AFF3: variants seen among roughly 807,000 people sequenced by gnomAD.
AFF3 encodes the protein AF4/FMR2 family member 3.
In AFF3, 32 loss-of-function variants were observed where a neutral mutation model predicts 129.7. That is an observed-to-expected ratio of 0.25 (90% CI 0.19 to 0.33). AFF3 has a LOEUF of 0.33. Among genes scored for constraint, AFF3 ranks in the 10% least tolerant of loss-of-function variants. AFF3 has a pLI of 1.00. For missense variants in AFF3, 1,373 were observed against 1,592.0 expected (o/e 0.86, Z 2.34); for synonymous variants, 644 against 635.4 (o/e 1.01, Z -0.20).
chr2:99,711,800 G>C (rs548625370), intron 11 of AFF3, among the ~76,000 whole-genome samples: 10 of 152,304 alleles, frequency 6.6e-5, no homozygotes, highest in Middle Eastern at 6.8e-3. Flanking sequence ...ATTCATTAAA[G>C]ATAACATTGG....
chr2:99,830,005 A>T (rs1688399250), intron 8 of AFF3, among the ~76,000 whole-genome samples: 1 of 152,220 alleles, frequency 6.6e-6, no homozygotes, highest in Middle Eastern at 3.2e-3. Context: ...CACCATTCTC[A>T]GCAAACTAAC....
At chr2:100,131,154 T>C (rs1010358201) in intron 1 of AFF3, among the ~76,000 whole-genome samples, 3 of 152,226 alleles carry the variant, frequency 2.0e-5, no homozygotes, top group Admixed American at 6.5e-5. Context: ...AAGTTTATTA[T>C]TGGTTTAACC....
intron 7 of AFF3, among the ~76,000 whole-genome samples, chr2:99,934,680 C>T (rs747190107): frequency 1.3e-5 from 2 of 152,210 alleles, no homozygotes; most frequent in Non-Finnish European, 2.9e-5. Flanking sequence ...TCAGAAGCCA[C>T]TGGGAAGGGG....
At chr2:99,888,997 T>A (rs1576283608) in intron 7 of AFF3, among the ~76,000 whole-genome samples, 1 of 152,248 alleles carries the variant, frequency 6.6e-6, no homozygotes, top group African/African-American at 2.4e-5. Flanking sequence ...ATAAAAATAA[T>A]GATGTAGCTG....
chr2:99,751,784 A>C (rs1353535635), intron 9 of AFF3, among the ~76,000 whole-genome samples: 1 of 152,186 alleles, frequency 6.6e-6, no homozygotes, highest in Admixed American at 6.5e-5. Context: ...GTCCTAGAAA[A>C]TATCTTAAGC....
At chr2:99,637,033 T>G (rs1329147473) in intron 13 of AFF3, among the ~76,000 whole-genome samples, 1 of 151,668 alleles carries the variant, frequency 6.6e-6, no homozygotes, top group Non-Finnish European at 1.5e-5. Context: ...AGTGGAATGG[T>G]CAGGGTGGGA....
At chr2:99,796,277 A>G (rs1685550301) in intron 8 of AFF3, among the ~76,000 whole-genome samples, 1 of 152,230 alleles carries the variant, frequency 6.6e-6, no homozygotes, top group South Asian at 2.1e-4. Context: ...TGTAGCACCC[A>G]CTGCAACTGA....
chr2:99,577,506 C>T (rs1458812690), intron 18 of AFF3, among the ~76,000 whole-genome samples: 1 of 152,176 alleles, frequency 6.6e-6, no homozygotes, highest in Non-Finnish European at 1.5e-5. Context: ...CTCAGCTGGA[C>T]TGGAAGCCCT....
intron 7 of AFF3, among the ~76,000 whole-genome samples, chr2:99,989,669 C>T (rs1056749006): frequency 6.6e-6 from 1 of 152,098 alleles, no homozygotes; most frequent in Non-Finnish European, 1.5e-5. Flanking sequence ...AAAAAGAAAG[C>T]GTGAATCATG....
intron 7 of AFF3, among the ~76,000 whole-genome samples, chr2:99,873,971 G>A (rs776217200): frequency 1.1e-4 from 17 of 151,810 alleles, no homozygotes; most frequent in Non-Finnish European, 2.2e-4. Context: ...TCAGGAGATC[G>A]AGACCATCCT....
chr2:99,970,866 CA>C (rs1272496115), intron 7 of AFF3, among the ~76,000 whole-genome samples: 6 of 152,228 alleles, frequency 3.9e-5, no homozygotes, highest in Non-Finnish European at 8.8e-5. Context: ...GCTTCCTCAG[CA>C]CTCACTGCTT....
intron 7 of AFF3, among the ~76,000 whole-genome samples, chr2:99,881,628 A>C (rs916618970): frequency 1.7e-4 from 26 of 152,208 alleles, no homozygotes; most frequent in Non-Finnish European, 4.4e-5. Flanking sequence ...ATGCCCTGTA[A>C]ATGATGTTTG....
At chr2:99,816,613 A>G (rs1440175938) in intron 8 of AFF3, among the ~76,000 whole-genome samples, 2 of 152,066 alleles carry the variant, frequency 1.3e-5, no homozygotes, top group African/African-American at 2.4e-5. Context: ...CTCCCTTTGC[A>G]TGGTTCTCCA....
intron 18 of AFF3, among the ~76,000 whole-genome samples, chr2:99,574,268 CAG>C: frequency 6.6e-6 from 1 of 152,278 alleles, no homozygotes; most frequent in South Asian, 2.1e-4. Context: ...TGCTTAATGT[CAG>C]GGGAGGAGGT....
chr2:99,686,759 C>T (rs569074538), intron 11 of AFF3, among the ~76,000 whole-genome samples: 12 of 152,262 alleles, frequency 7.9e-5, no homozygotes, highest in Non-Finnish European at 1.8e-4. Context: ...TAGACAGCAG[C>T]AGGCATTCCT....
chr2:99,701,233 A>C (rs1231364557), intron 11 of AFF3, among the ~76,000 whole-genome samples: 1 of 152,158 alleles, frequency 6.6e-6, no homozygotes, highest in African/African-American at 2.4e-5. Flanking sequence ...TAGGCTACAA[A>C]TGACAAATGG....
chr2:99,603,111 C>T (rs747253145), intron 13 of AFF3, among the ~76,000 whole-genome samples: 2 of 152,142 alleles, frequency 1.3e-5, no homozygotes, highest in African/African-American at 2.4e-5. Flanking sequence ...TGAGCTGCAG[C>T]GATTTCTTTT....
At chr2:99,732,064 AAG>A (rs1679874658) in intron 10 of AFF3, among the ~76,000 whole-genome samples, 1 of 152,106 alleles carries the variant, frequency 6.6e-6, no homozygotes, top group Non-Finnish European at 1.5e-5. Flanking sequence ...CTATTGGTAA[AAG>A]AATTGTGGCT....
chr2:99,741,354 AG>A (rs1680704280), intron 10 of AFF3, among the ~76,000 whole-genome samples: 1 of 152,208 alleles, frequency 6.6e-6, no homozygotes, highest in African/African-American at 2.4e-5. Flanking sequence ...TTAAGCTGAG[AG>A]GCAACTTCAG....
Sources: gnomAD v4.1 joint callset for allele counts (sites outside exome capture counted in the v4.1 genomes callset) on GRCh38, gnomAD v4.1.1 for gene constraint, MANE v1.5 for transcripts, NCBI Gene and HGNC (gene_info 2026-07-23, HGNC 2026-07-21) for gene names.